Variants in TCERG1L observed in about 807,000 individuals in gnomAD.
The protein encoded by TCERG1L is transcription elongation regulator 1-like protein.
Under a neutral mutation model 56.3 loss-of-function variants are expected in TCERG1L, and 37 were observed. The observed-to-expected ratio is 0.66, with a 90% confidence interval of 0.51 to 0.87. The LOEUF is 0.87. Ranked by LOEUF, TCERG1L falls within the 40% of genes least tolerant of loss-of-function variation. TCERG1L has a pLI of 0.00. For missense variants in TCERG1L, 799 were observed against 774.2 expected, an observed-to-expected ratio of 1.03 and a Z score of -0.38; for synonymous variants, 324 against 326.3, an observed-to-expected ratio of 0.99 and a Z score of 0.08.
intron 4 of TCERG1L, among the ~76,000 whole-genome samples, chr10:131,238,625 A>G (rs1469140288): frequency 6.6e-6 from 1 of 152,168 alleles, no homozygotes; most frequent in Non-Finnish European, 1.5e-5. Context: ...GTGCTTGTTC[A>G]AGCTTGCTGC....
At chr10:131,146,749 C>G in intron 6 of TCERG1L, 89 bp from the exon 7 acceptor site, 2 of 1,415,940 alleles carry the variant, frequency 1.4e-6, no homozygotes, top group South Asian at 1.6e-5. Context: ...AAAAGCCCCT[C>G]AGGACCGAAA....
Position 131,132,190 on chromosome 10 carries a change from G to A in TCERG1L, c.1259+2189C>T, listed in dbSNP as rs114932759. On this transcript the variant is annotated intron_variant, in intron 8 of 11. Transcript: ENST00000368642. The stretch of plus-strand genomic sequence containing the variant: ...AATGAATGCGCAGGACGGGATGGGC[G>A]TGCTCAGTCCTCGGGCTGACTGCAG... 3.9e-3 allele frequency among the ~76,000 whole-genome samples: 589 copies of A among 152,308 alleles called. 5 individuals carry two copies. The highest frequency in any genetic ancestry group is 0.013 in the African/African-American group (556 of 41,574).
chr10:131,177,053 C>T (rs570680159), intron 4 of TCERG1L, among the ~76,000 whole-genome samples: 73 of 102,072 alleles, frequency 7.2e-4, no homozygotes, highest in African/African-American at 4.1e-3. Context: ...CACACACAGA[C>T]GTATACACAC....
intron 1 of TCERG1L, among the ~76,000 whole-genome samples, chr10:131,309,762 T>C (rs1009228433): frequency 8.1e-5 from 11 of 135,644 alleles, no homozygotes; most frequent in Non-Finnish European, 1.5e-4. Flanking sequence ...ACTTTCAAAA[T>C]GAAAATATCT....
At chr10:131,200,074 C>T (rs930351208) in intron 4 of TCERG1L, among the ~76,000 whole-genome samples, 1 of 152,216 alleles carries the variant, frequency 6.6e-6, no homozygotes, top group South Asian at 2.1e-4. Context: ...TGAGCTCTCA[C>T]CAGGATCGTC....
intron 6 of TCERG1L, among the ~76,000 whole-genome samples, chr10:131,159,015 A>T (rs1845950844): frequency 6.6e-6 from 1 of 151,934 alleles, no homozygotes; most frequent in Non-Finnish European, 1.5e-5. Flanking sequence ...CATCCTTCCC[A>T]CCCACTTCCA....
chr10:131,246,724 T>C (rs1846043899), intron 4 of TCERG1L, among the ~76,000 whole-genome samples: 1 of 151,542 alleles, frequency 6.6e-6, no homozygotes. Context: ...AGGAGCTTGG[T>C]CCAAAGAGGA....
intron 4 of TCERG1L, among the ~76,000 whole-genome samples, chr10:131,181,650 A>G (rs1310893340): frequency 6.6e-6 from 1 of 152,218 alleles, no homozygotes; most frequent in Non-Finnish European, 1.5e-5. Flanking sequence ...GTGGCCAAGG[A>G]AGCAGGGAAA....
intron 8 of TCERG1L, among the ~76,000 whole-genome samples, chr10:131,129,173 G>A (rs1164125910): frequency 1.3e-5 from 2 of 151,558 alleles, no homozygotes; most frequent in Admixed American, 1.3e-4. Flanking sequence ...ACCTGAAACT[G>A]ACTTAGTCCT....
intron 4 of TCERG1L, among the ~76,000 whole-genome samples, chr10:131,184,148 GC>G (rs1304949286): frequency 6.6e-6 from 1 of 152,206 alleles, no homozygotes; most frequent in Non-Finnish European, 1.5e-5. Flanking sequence ...GCCTTGCGAA[GC>G]CCACACTTGG....
At chr10:131,256,580 C>G (rs1332594020) in intron 4 of TCERG1L, among the ~76,000 whole-genome samples, 1 of 152,092 alleles carries the variant, frequency 6.6e-6, no homozygotes, top group African/African-American at 2.4e-5. Context: ...TAAATGCTGT[C>G]TTTCTTAAAA....
At chr10:131,114,602 A>C (rs1204071798) in intron 9 of TCERG1L, among the ~76,000 whole-genome samples, 2 of 152,146 alleles carry the variant, frequency 1.3e-5, no homozygotes, top group Non-Finnish European at 2.9e-5. Flanking sequence ...AACGGGGTAA[A>C]AAGGCCCTGA....
At chr10:131,276,090 A>G (rs1361699153) in intron 3 of TCERG1L, among the ~76,000 whole-genome samples, 2 of 152,312 alleles carry the variant, frequency 1.3e-5, no homozygotes, top group African/African-American at 4.8e-5. Flanking sequence ...GGTGGCTGCT[A>G]GACAGCATTC....
chr10:131,207,564 C>T (rs1845551034), intron 4 of TCERG1L, among the ~76,000 whole-genome samples: 1 of 152,212 alleles, frequency 6.6e-6, no homozygotes, highest in South Asian at 2.1e-4. Context: ...GTTAGCAGAC[C>T]AGAAACAGCT....
chr10:131,222,546 G>GT (rs1394190512), intron 4 of TCERG1L, among the ~76,000 whole-genome samples: 3 of 139,844 alleles, frequency 2.1e-5, no homozygotes, highest in African/African-American at 1.0e-4. Flanking sequence ...ACTCCCAGAT[G>GT]GAAAGGAGAA....
At chr10:131,234,386 A>G (rs979499848) in intron 4 of TCERG1L, among the ~76,000 whole-genome samples, 1 of 152,220 alleles carries the variant, frequency 6.6e-6, no homozygotes, top group Non-Finnish European at 1.5e-5. Context: ...ATTTATCACT[A>G]GCTGTTAGGC....
At chr10:131,098,234 A>T (rs1845268921) in intron 11 of TCERG1L, 72 bp downstream of exon 11, 1 of 1,482,586 alleles carries the variant, frequency 6.7e-7, no homozygotes, top group African/African-American at 1.4e-5. Flanking sequence ...ACAAAAACAA[A>T]CCTGAAGAGT....
intron 7 of TCERG1L, among the ~76,000 whole-genome samples, chr10:131,136,517 C>T (rs1427953751): frequency 6.6e-6 from 1 of 152,106 alleles, no homozygotes; most frequent in Non-Finnish European, 1.5e-5. Context: ...CTCAGAGGCT[C>T]TCCATGTTCA....
chr10:131,190,562 T>C (rs1262209254), intron 4 of TCERG1L, among the ~76,000 whole-genome samples: 1 of 144,194 alleles, frequency 6.9e-6, no homozygotes, highest in Non-Finnish European at 1.5e-5. Context: ...ATCAAAAATA[T>C]AATTCCTCAT....
Sources: gnomAD v4.1 joint callset for allele counts (sites outside exome capture counted in the v4.1 genomes callset) on GRCh38, gnomAD v4.1.1 for gene constraint, MANE v1.5 for transcripts, NCBI Gene and HGNC (gene_info 2026-07-23, HGNC 2026-07-21) for gene names.